Variants in HFM1 observed in about 807,000 individuals in gnomAD.
The protein encoded by HFM1 is probable ATP-dependent DNA helicase HFM1.
Under a neutral mutation model 192.1 loss-of-function variants are expected in HFM1, and 169 were observed. That is an observed-to-expected ratio of 0.88 (90% CI 0.78 to 1.00). The LOEUF (loss-of-function observed/expected upper bound fraction) is 1.00. Among genes scored for constraint, HFM1 ranks in the 50% least tolerant of loss-of-function variants. The probability of loss-of-function intolerance (pLI) is 0.00; values close to 1 mark genes in which losing one functional copy is unlikely to be tolerated. For synonymous variants in HFM1, 525 were observed against 537.8 expected, an observed-to-expected ratio of 0.98 and a Z score of 0.33; for missense variants, 1,661 against 1,668.0, an observed-to-expected ratio of 1.00 and a Z score of 0.07.
In HFM1 at chr1:91,314,317, A is replaced by C. The variant is rs76722610; in HGVS notation, c.3141-257T>G. ...TGCCTGGGCTGGAGTGCAGTGGTAC[A>C]ATCATACCTCACTGCAGCCACAAAC... On this transcript the variant is annotated intron_variant, in intron 28 of 38. Coordinates refer to ENST00000370425, the MANE Select transcript of HFM1 (RefSeq NM_001017975.6). Among the ~76,000 whole-genome samples the C allele has an allele frequency of 7.9e-3, 1,199 of 152,332 alleles. 13 individuals are homozygous for C. The highest frequency in any genetic ancestry group is 0.026 in the African/African-American group (1,080 of 41,578).
chr1:91,343,559 A>T (rs1331641654), intron 19 of HFM1, 49 bp from the exon 20 acceptor site: 2 of 721,850 alleles, frequency 2.8e-6, no homozygotes, highest in Non-Finnish European at 4.5e-6. Flanking sequence ...ATAGGGAAGT[A>T]GGGAAAAATA....
intron 32 of HFM1, 58 bp from the exon 33 acceptor site, chr1:91,274,867 C>A (rs1182827504): frequency 3.7e-6 from 3 of 816,400 alleles, no homozygotes; most frequent in Middle Eastern, 2.5e-4. Flanking sequence ...ACTTGTAACA[C>A]ATGAGCCAAA....
chr1:91,287,120 A>G (rs1668074515), intron 30 of HFM1, among the ~76,000 whole-genome samples: 1 of 152,198 alleles, frequency 6.6e-6, no homozygotes, highest in Non-Finnish European at 1.5e-5. Context: ...GCTTAGGTAA[A>G]CAAAGCAGCC....
chr1:91,375,822 A>G (rs1009386208), intron 11 of HFM1, 95 bp from the exon 12 acceptor site: 31 of 906,844 alleles, frequency 3.4e-5, no homozygotes, highest in Middle Eastern at 3.1e-4. Flanking sequence ...AGGTCAAGCT[A>G]TAAAAGTATT....
At chr1:91,401,245 T>G in intron 1 of HFM1, 136 bp from the exon 2 acceptor site, 1 of 541,162 alleles carries the variant, frequency 1.8e-6, no homozygotes, top group Non-Finnish European at 3.3e-6. Flanking sequence ...CGTCTGCAAC[T>G]TCCTTCAAAG....
chr1:91,370,324 C>T (rs914652223), intron 13 of HFM1, among the ~76,000 whole-genome samples: 42 of 152,152 alleles, frequency 2.8e-4, no homozygotes, highest in East Asian at 7.7e-4. Flanking sequence ...TGATGAACAT[C>T]GATGCAAAAA....
Position 91,274,791 on chromosome 1 carries a change from G to T in HFM1, c.3607C>A (p.Gln1203Lys). The T allele has an allele frequency of 1.3e-6, 2 of 1,567,316 alleles. No individual in the cohort carries two copies. The highest frequency in any genetic ancestry group is 1.3e-5 in the African/African-American group (1 of 74,104). The change falls in exon 33 of 39, where the codon CAA becomes AAA. Residue 1203 changes from glutamine (Q) to lysine (K), a missense_variant. Coordinates refer to ENST00000370425, the MANE Select transcript of HFM1 (RefSeq NM_001017975.6). Reference sequence around the variant, plus strand: ...CCAAACTCTTTAAGGTCCACACTTTGAGATTTATTCATCTGTATCTATTAA... The same window carrying T: ...CCAAACTCTTTAAGGTCCACACTTTTAGATTTATTCATCTGTATCTATTAA... The part of the protein sequence containing the change: ...KRLKIQMNKS[Q>K]SVDLKEFGFT...
At chr1:91,348,623 CA>C (rs558107982) in intron 18 of HFM1, among the ~76,000 whole-genome samples, 1 of 151,558 alleles carries the variant, frequency 6.6e-6, no homozygotes, top group Non-Finnish European at 1.5e-5. Context: ...TTAGCTATTA[CA>C]AAAAAAAGCT....
chr1:91,379,542 G>A (rs957998578), intron 8 of HFM1, among the ~76,000 whole-genome samples: 5 of 151,978 alleles, frequency 3.3e-5, no homozygotes, highest in Admixed American at 1.3e-4. Context: ...GTGCTGGGCC[G>A]CATTCAAAGC....
chr1:91,363,192 T>C (rs944145875), intron 13 of HFM1, among the ~76,000 whole-genome samples: 4 of 151,768 alleles, frequency 2.6e-5, no homozygotes, highest in Admixed American at 2.6e-4. Flanking sequence ...CAAATTAAAA[T>C]CAAAATAAGG....
chr1:91,378,564 T>A, intron 9 of HFM1, 84 bp from the exon 10 acceptor site: 1 of 809,706 alleles, frequency 1.2e-6, no homozygotes. Flanking sequence ...ATTTTTAACA[T>A]GACGTATTAC....
At chr1:91,346,662 A>C (rs1330402617) in intron 19 of HFM1, among the ~76,000 whole-genome samples, 1 of 152,224 alleles carries the variant, frequency 6.6e-6, no homozygotes, top group Non-Finnish European at 1.5e-5. Flanking sequence ...TTCTAATCTG[A>C]ATAAATGCCT....
chr1:91,314,059 C>A lies in HFM1; in HGVS notation c.3142G>T (p.Asp1048Tyr), dbSNP rs1408390840. Residue 1048 changes from aspartate to tyrosine, a missense_variant and splice_region_variant, in exon 29 of 39, where the codon GAT becomes TAT. Physicochemically the swap from Asp to Tyr is radical, Grantham distance 160. Coordinates refer to ENST00000370425, the MANE Select transcript of HFM1 (RefSeq NM_001017975.6). ...NQVVYLHKIT[D>Y]SVLLKAGSWA... Reference sequence around the variant, plus strand: ...CTTCCAGCTTTTAGCAAAACAGAATCCCTGAAAAATAGTATAGTTTAAATA... The same window carrying A: ...CTTCCAGCTTTTAGCAAAACAGAATACCTGAAAAATAGTATAGTTTAAATA... 1 of 1,587,980 alleles carries A rather than the reference C, an allele frequency of 6.3e-7. No homozygotes were observed.
At position 91,274,798 on chromosome 1, in the gene HFM1, A is replaced by G. The variant is rs1438690323; in HGVS notation, c.3600T>C (p.Asn1200=). The change falls in exon 33 of 39, where the codon AAT becomes AAC. Residue 1200 remains asparagine, a synonymous_variant. Coordinates refer to ENST00000370425, the MANE Select transcript of HFM1 (RefSeq NM_001017975.6). ...CTTTAAGGTCCACACTTTGAGATTT[A>G]TTCATCTGTATCTATTAATGAAACA... ...PPVKRLKIQM[N]KSQSVDLKEF... 5.2e-6 allele frequency: 8 copies of G among 1,552,680 alleles called. No individual in the cohort carries two copies. Among genetic ancestry groups the G allele is most frequent in the Non-Finnish European group, 7.1e-6 (8 of 1,127,276 alleles).
At chr1:91,378,291 T>C in intron 10 of HFM1, 108 bp from the exon 11 acceptor site, 1 of 1,255,890 alleles carries the variant, frequency 8.0e-7, no homozygotes, top group Non-Finnish European at 1.1e-6. Flanking sequence ...ATGAGCATTT[T>C]CCACTTGAAG....
intron 20 of HFM1, among the ~76,000 whole-genome samples, chr1:91,325,662 G>A (rs1652791387): frequency 6.6e-6 from 1 of 152,090 alleles, no homozygotes; most frequent in Non-Finnish European, 1.5e-5. Context: ...GCAAAAACAA[G>A]CCCAGACTGT....
chr1:91,390,143 AC>A (rs1475213288), intron 4 of HFM1, among the ~76,000 whole-genome samples: 1 of 152,208 alleles, frequency 6.6e-6, no homozygotes, highest in Non-Finnish European at 1.5e-5. Flanking sequence ...GGCCATTAAA[AC>A]AAAATGAAAT....
intron 8 of HFM1, 52 bp downstream of exon 8, chr1:91,380,052 C>A: frequency 1.2e-6 from 1 of 854,938 alleles, no homozygotes. Flanking sequence ...CATTTTGCTT[C>A]AATGGTTTTT....
At chr1:91,342,127 C>T (rs533064476) in intron 20 of HFM1, among the ~76,000 whole-genome samples, 291 of 31,818 alleles carry the variant, frequency 9.1e-3, no homozygotes, top group Non-Finnish European at 0.014. Flanking sequence ...TTGGCAGAGA[C>T]ACAATGAAAA....
Sources: allele counts gnomAD v4.1 joint callset (sites outside exome capture counted in the v4.1 genomes callset), GRCh38; gene constraint gnomAD v4.1.1; transcripts MANE v1.5; gene names NCBI Gene and HGNC (gene_info 2026-07-23, HGNC 2026-07-21).